The following MREG variants were observed in gnomAD, a reference collection of about 807,000 sequenced individuals.
The protein encoded by MREG is melanoregulin, also known as dilute suppressor protein homolog.
Under a neutral mutation model 28.5 loss-of-function variants are expected in MREG, and 31 were observed. The ratio of observed to expected loss-of-function variants is 1.09; its 90% confidence interval spans 0.82 to 1.47. MREG has a LOEUF of 1.47. Among genes scored for constraint, MREG ranks in the 40% most tolerant of loss-of-function variants. MREG has a pLI of 0.00. For synonymous variants in MREG, 106 were observed against 95.2 expected, an observed-to-expected ratio of 1.11 and a Z score of -0.66; for missense variants, 256 against 257.4, an observed-to-expected ratio of 0.99 and a Z score of 0.04.
chr2:215,957,311 G>T (rs148545917), intron 2 of MREG, among the ~76,000 whole-genome samples: 1 of 152,214 alleles, frequency 6.6e-6, no homozygotes, highest in Admixed American at 6.5e-5. Flanking sequence ...TTCTTTTTCC[G>T]AAGGGTGGAT....
chr2:215,971,151 C>G, intron 2 of MREG, among the ~76,000 whole-genome samples: 1 of 151,904 alleles, frequency 6.6e-6, no homozygotes, highest in South Asian at 2.1e-4. Flanking sequence ...GGATGGGGCG[C>G]AAGGAGAGGG....
chr2:216,003,972 G>T (rs1694087978), intron 1 of MREG, among the ~76,000 whole-genome samples: 1 of 152,264 alleles, frequency 6.6e-6, no homozygotes, highest in South Asian at 2.1e-4. Context: ...TCATCCCTCA[G>T]CTCAAAACCT....
intron 2 of MREG, among the ~76,000 whole-genome samples, chr2:215,985,338 A>G (rs1227572859): frequency 6.6e-6 from 1 of 152,228 alleles, no homozygotes; most frequent in Admixed American, 6.5e-5. Context: ...AGGAACATTG[A>G]GGCTGTTTAC....
At chr2:215,987,105 C>T (rs1693592172) in intron 2 of MREG, among the ~76,000 whole-genome samples, 1 of 151,626 alleles carries the variant, frequency 6.6e-6, no homozygotes, top group Non-Finnish European at 1.5e-5. Context: ...TTCCCTGAAG[C>T]AAAAAAGTAA....
chr2:215,996,386 C>T lies in MREG; in HGVS notation c.175G>A (p.Val59Met). 6.2e-7 allele frequency: 1 copy of T among 1,613,894 alleles called. No homozygotes were observed. Residue 59 changes from valine to methionine, a missense_variant, in exon 2 of 5, where the codon GTG (valine) becomes ATG (methionine). Val to Met is a conservative substitution (Grantham distance 21). Transcript: ENST00000263268. Reference sequence around the variant, plus strand: ...TCGTCGTCTGCCTCTGTGTGGGACACATCATGGGGCATACTCCATAAATTC... The same window carrying T: ...TCGTCGTCTGCCTCTGTGTGGGACATATCATGGGGCATACTCCATAAATTC... ...EKNLWSMPHD[V>M]SHTEADDDRT...
Position 215,943,147 on chromosome 2 carries a change from G to A in MREG, c.*1716C>T, listed in dbSNP as rs1302164752. On this transcript the variant is annotated 3_prime_UTR_variant, in exon 5 of 5. Coordinates refer to ENST00000263268, the MANE Select transcript of MREG (RefSeq NM_018000.3). ...CTAAATACAAGTTAGTTTTTAACCT[G>A]AATTCAGAAGTGCAAAATCTGTAAA... 4 of 254,816 alleles carry A rather than the reference G, an allele frequency of 1.6e-5. No individual in the cohort carries two copies. Among genetic ancestry groups the A allele is most frequent in the African/African-American group, 4.5e-5 (2 of 44,494 alleles). 15.8% of individuals were successfully genotyped at this position (254,816 alleles called of 1,614,324 possible).
At chr2:215,969,486 G>C (rs1323015462) in intron 2 of MREG, among the ~76,000 whole-genome samples, 3 of 152,132 alleles carry the variant, frequency 2.0e-5, no homozygotes, top group African/African-American at 7.2e-5. Flanking sequence ...CGAGATTCCT[G>C]GATCAGCATT....
At chr2:215,960,850 A>G (rs986014654) in intron 2 of MREG, among the ~76,000 whole-genome samples, 4 of 152,038 alleles carry the variant, frequency 2.6e-5, no homozygotes, top group African/African-American at 9.7e-5. Context: ...ATAAAAAATA[A>G]TAATAAAATA....
In MREG at chr2:215,944,616, A is replaced by G. The variant is rs878945873; in HGVS notation, c.*247T>C. On this transcript the variant is annotated 3_prime_UTR_variant, in exon 5 of 5. Coordinates refer to ENST00000263268, the MANE Select transcript of MREG (RefSeq NM_018000.3). ...TCTCAGAATGGAACCACCCATTATG[A>G]ACTATCCATCTGACCAACTCTTTAA... is the stretch of plus-strand genomic sequence containing the variant. 4.3e-5 allele frequency: 14 copies of G among 327,664 alleles called. No homozygotes were observed. The East Asian group carries it at 5.1e-4, about 12-fold the overall frequency. The allele number at this position is 327,664 out of a possible 1,614,324, so 20.3% of individuals were successfully genotyped here.
chr2:215,986,017 G>C (rs752105979), intron 2 of MREG, among the ~76,000 whole-genome samples: 1 of 151,952 alleles, frequency 6.6e-6, no homozygotes, highest in Non-Finnish European at 1.5e-5. Flanking sequence ...AACAATCCCC[G>C]TCTAGCTTCC....
chr2:215,950,697 A>AT (rs1172810259), intron 2 of MREG, among the ~76,000 whole-genome samples: 6 of 152,352 alleles, frequency 3.9e-5, no homozygotes, highest in East Asian at 1.9e-4. Flanking sequence ...CAGTAGAAGC[A>AT]TTGACAGGGT....
chr2:216,019,089 C>T (rs1448352604), intron 1 of MREG, among the ~76,000 whole-genome samples: 1 of 152,214 alleles, frequency 6.6e-6, no homozygotes, highest in East Asian at 1.9e-4. Flanking sequence ...TTAGAGCTTT[C>T]CTGCTCTTGC....
chr2:215,999,840 CAG>C (rs1693968184), intron 1 of MREG, among the ~76,000 whole-genome samples: 1 of 152,220 alleles, frequency 6.6e-6, no homozygotes, highest in African/African-American at 2.4e-5. Flanking sequence ...AGGGAGATGT[CAG>C]GGATCTGGGT....
chr2:215,970,131 C>T (rs573677266), intron 2 of MREG, among the ~76,000 whole-genome samples: 11 of 152,202 alleles, frequency 7.2e-5, no homozygotes, highest in Admixed American at 5.2e-4. Flanking sequence ...CAGAAGTAAT[C>T]GAGTTAAAAT....
At chr2:216,023,398 G>A (rs1433683518) in intron 1 of MREG, among the ~76,000 whole-genome samples, 1 of 152,210 alleles carries the variant, frequency 6.6e-6, no homozygotes, top group Non-Finnish European at 1.5e-5. Context: ...ATATTTAAGT[G>A]GGAGATTTAA....
intron 2 of MREG, among the ~76,000 whole-genome samples, chr2:215,955,261 A>T (rs957892198): frequency 1.3e-5 from 2 of 152,240 alleles, no homozygotes; most frequent in Admixed American, 1.3e-4. Context: ...AATAATAAAC[A>T]TATTTGTTTT....
chr2:216,006,469 T>C (rs1479673659), intron 1 of MREG, among the ~76,000 whole-genome samples: 1 of 152,230 alleles, frequency 6.6e-6, no homozygotes, highest in Non-Finnish European at 1.5e-5. Flanking sequence ...TAAAAACCCT[T>C]TGTGCCCCTG....
chr2:216,008,423 G>A (rs1056361399), intron 1 of MREG, among the ~76,000 whole-genome samples: 6 of 152,216 alleles, frequency 3.9e-5, no homozygotes, highest in African/African-American at 1.4e-4. Context: ...AACAGCAAAA[G>A]AAGAAATGGA....
At position 216,013,305 on chromosome 2, in the gene MREG, C is replaced by G. The variant is rs1694364792; in HGVS notation, c.23G>C (p.Arg8Thr). ...GCACCCGCAGCAGCAGCACACGGTT[C>G]TCAGCCAGTCCCTCAGCCCCATGGA... Reference protein sequence around the residue: MGLRDWLRTVCCCCGCEC... With the variant: MGLRDWLTTVCCCCGCEC... The change falls in exon 1 of 5, where the codon AGA (arginine) becomes ACA (threonine). Residue 8 changes from arginine to threonine, a missense_variant. By Grantham distance (71) the Arg-to-Thr change is moderately conservative (BLOSUM62 -1). Coordinates refer to ENST00000263268, the MANE Select transcript of MREG (RefSeq NM_018000.3). 1 of 1,549,410 alleles carries G rather than the reference C, an allele frequency of 6.5e-7. No homozygotes were observed. Among genetic ancestry groups the G allele is most frequent in the Non-Finnish European group, 8.7e-7 (1 of 1,146,532 alleles).
Sources: gnomAD v4.1 joint callset for allele counts (sites outside exome capture counted in the v4.1 genomes callset) on GRCh38, gnomAD v4.1.1 for gene constraint, MANE v1.5 for transcripts, NCBI Gene and HGNC (gene_info 2026-07-23, HGNC 2026-07-21) for gene names.